ZFYVE1: variants seen among roughly 807,000 people sequenced by gnomAD.
ZFYVE1 encodes zinc finger FYVE domain-containing protein 1.
In ZFYVE1, 30 loss-of-function variants were observed where a neutral mutation model predicts 74.4. The observed-to-expected ratio is 0.40, with a 90% CI of 0.30 to 0.55. The LOEUF (loss-of-function observed/expected upper bound fraction) is 0.55, where lower values mean the gene tolerates loss of function less well. Ranked by LOEUF, ZFYVE1 falls within the 20% of genes least tolerant of loss-of-function variation. The pLI is 0.42. For missense variants in ZFYVE1, 703 were observed against 1,011.6 expected (o/e 0.69, Z 4.14); for synonymous variants, 335 against 385.1 (o/e 0.87, Z 1.52).
intron 11 of ZFYVE1, among the ~76,000 whole-genome samples, chr14:72,973,757 G>A (rs1893094805): frequency 6.6e-6 from 1 of 152,162 alleles, no homozygotes; most frequent in South Asian, 2.1e-4. Context: ...GTAGTAACTA[G>A]AGCCAATGCC....
intron 4 of ZFYVE1, among the ~76,000 whole-genome samples, chr14:72,992,720 G>A (rs1893650348): frequency 6.7e-6 from 1 of 148,408 alleles, no homozygotes; most frequent in African/African-American, 2.5e-5. Flanking sequence ...ATTTCTACCT[G>A]TGATACTAGT....
intron 2 of ZFYVE1, among the ~76,000 whole-genome samples, chr14:73,023,167 T>A (rs11620723): frequency 0.59 from 2,361 of 4,008 alleles, 382 homozygotes; most frequent in South Asian, 0.65. Context: ...TCTCAAAAAA[T>A]ATATATATAT....
Position 72,974,800 on chromosome 14 carries a change from C to T in ZFYVE1, c.1966G>A (p.Glu656Lys), listed in dbSNP as rs1373843451. 17 of 1,602,808 alleles carry T rather than the reference C, an allele frequency of 1.1e-5. No homozygotes were observed. Among genetic ancestry groups the T allele is most frequent in the East Asian group, 2.2e-5 (1 of 44,528 alleles). Reference protein sequence around the residue: ...APVRVCDNCYEARNVQLAVTE... With the variant: ...APVRVCDNCYKARNVQLAVTE... ...TTACCTAACTGGACGTTCCTGGCTT[C>T]GTAGCAGTTGTCACAGACCCGCACT... The change falls in exon 10 of 12, where the codon GAA (glutamate) becomes AAA (lysine). Residue 656 changes from glutamate (E) to lysine (K), a missense_variant. By Grantham distance (56) the Glu-to-Lys change is moderately conservative. Coordinates refer to ENST00000556143, the MANE Select transcript of ZFYVE1 (RefSeq NM_021260.4).
At chr14:72,972,191 A>G (rs1893051894) in intron 11 of ZFYVE1, among the ~76,000 whole-genome samples, 1 of 152,082 alleles carries the variant, frequency 6.6e-6, no homozygotes, top group Non-Finnish European at 1.5e-5. Flanking sequence ...TCCAGCCTGG[A>G]CAATAGCGAG....
chr14:73,009,070 C>T (rs373670045), intron 2 of ZFYVE1, among the ~76,000 whole-genome samples: 11 of 152,190 alleles, frequency 7.2e-5, no homozygotes, highest in African/African-American at 1.2e-4. Flanking sequence ...CAGTGCCTGA[C>T]GCAAAATAGG....
chr14:72,996,247 T>G (rs1001102152), intron 3 of ZFYVE1, among the ~76,000 whole-genome samples: 4 of 152,142 alleles, frequency 2.6e-5, no homozygotes, highest in Non-Finnish European at 5.9e-5. Context: ...CAAAAGCCAC[T>G]GACAAGGCTG....
At chr14:73,021,734 T>C (rs912466604) in intron 2 of ZFYVE1, among the ~76,000 whole-genome samples, 7 of 152,168 alleles carry the variant, frequency 4.6e-5, no homozygotes, top group Non-Finnish European at 1.0e-4. Flanking sequence ...ATGGAGGAAA[T>C]GTGGGAAGAA....
At chr14:72,999,209 C>T (rs894739456) in intron 2 of ZFYVE1, among the ~76,000 whole-genome samples, 1 of 151,902 alleles carries the variant, frequency 6.6e-6, no homozygotes, top group African/African-American at 2.4e-5. Flanking sequence ...CAGGCAGATC[C>T]CCTGAGGTCA....
intron 4 of ZFYVE1, 108 bp from the exon 5 acceptor site, chr14:72,982,003 T>A: frequency 1.1e-6 from 1 of 892,536 alleles, no homozygotes; most frequent in Non-Finnish European, 1.8e-6. Context: ...AGAAATCCAG[T>A]AACTTCTGCT....
intron 2 of ZFYVE1, among the ~76,000 whole-genome samples, chr14:73,002,352 A>G (rs1008767718): frequency 2.0e-5 from 3 of 152,260 alleles, no homozygotes; most frequent in African/African-American, 7.2e-5. Flanking sequence ...AGGACTGTAC[A>G]ACTTTATGAA....
At chr14:73,026,611 AT>A (rs1894466637) in intron 1 of ZFYVE1, among the ~76,000 whole-genome samples, 1 of 151,762 alleles carries the variant, frequency 6.6e-6, no homozygotes, top group South Asian at 2.1e-4. Context: ...TCAACCAAAC[AT>A]TTTGCCCACT....
chr14:72,970,532 CTG>C lies in ZFYVE1; in HGVS notation c.*348_*349del, dbSNP rs1361550665. 37 of 275,060 alleles carry C rather than the reference CTG, an allele frequency of 1.3e-4. No homozygotes were observed. The highest frequency in any genetic ancestry group is 2.4e-4 in the Non-Finnish European group (35 of 143,200). The allele number at this position is 275,060 out of a possible 1,614,324, so 17.0% of individuals were successfully genotyped here. A position where few individuals can be genotyped will look rare whatever the true frequency, so the allele number is the denominator to read the frequency against. The stretch of plus-strand genomic sequence containing the variant: ...GCCACCTCACCCTGTGCGGAGGAGA[CTG>C]TGCGAAGTCTTCACAGCCAGCAGCA... On this transcript the variant is annotated 3_prime_UTR_variant, in exon 12 of 12. Transcript: ENST00000556143.
intron 3 of ZFYVE1, among the ~76,000 whole-genome samples, chr14:72,995,888 G>A (rs562797933): frequency 6.6e-6 from 1 of 152,250 alleles, no homozygotes; most frequent in Admixed American, 6.5e-5. Flanking sequence ...TCACTTGAGT[G>A]ACTTGATATC....
intron 6 of ZFYVE1, 113 bp downstream of exon 6, chr14:72,978,748 T>C (rs548728863): frequency 1.6e-5 from 13 of 829,492 alleles, no homozygotes; most frequent in Admixed American, 8.0e-5. Flanking sequence ...AATATTCAAT[T>C]TGAATATCAA....
chr14:73,009,139 A>T (rs972259218), intron 2 of ZFYVE1, among the ~76,000 whole-genome samples: 1 of 152,230 alleles, frequency 6.6e-6, no homozygotes, highest in Non-Finnish European at 1.5e-5. Flanking sequence ...TCTAGACGCT[A>T]TATCCTCTGG....
chr14:72,994,497 C>T (rs1043417439), intron 3 of ZFYVE1, among the ~76,000 whole-genome samples: 3 of 152,106 alleles, frequency 2.0e-5, no homozygotes, highest in East Asian at 1.9e-4. Context: ...GCATTGAGTA[C>T]GCAGGGGCAT....
intron 4 of ZFYVE1, among the ~76,000 whole-genome samples, chr14:72,989,741 T>A (rs1192174370): frequency 6.6e-6 from 1 of 151,420 alleles, no homozygotes; most frequent in Non-Finnish European, 1.5e-5. Flanking sequence ...TGGAGTACAG[T>A]GAGCTGTGAT....
At chr14:73,008,540 T>C (rs1894026801) in intron 2 of ZFYVE1, among the ~76,000 whole-genome samples, 1 of 152,206 alleles carries the variant, frequency 6.6e-6, no homozygotes, top group South Asian at 2.1e-4. Flanking sequence ...GATCAGTTTC[T>C]TTGACCACAT....
At chr14:73,018,875 C>T (rs529419932) in intron 2 of ZFYVE1, among the ~76,000 whole-genome samples, 3 of 149,544 alleles carry the variant, frequency 2.0e-5, no homozygotes, top group Admixed American at 6.8e-5. Context: ...ACCCAGGAGG[C>T]GGAGGTTGTA....
Sources: gnomAD v4.1 joint callset for allele counts (sites outside exome capture counted in the v4.1 genomes callset) on GRCh38, gnomAD v4.1.1 for gene constraint, MANE v1.5 for transcripts, NCBI Gene and HGNC (gene_info 2026-07-23, HGNC 2026-07-21) for gene names.